The following PTPRR variants were observed in gnomAD, a reference collection of about 807,000 sequenced individuals.
PTPRR encodes the protein protein tyrosine phosphatase receptor type R.
PTPRR carries 38 observed loss-of-function variants against 77.2 expected under a neutral mutation model. The observed-to-expected ratio is 0.49, with a 90% confidence interval of 0.38 to 0.65. PTPRR has a LOEUF of 0.65. PTPRR is among the 30% of genes least tolerant of loss of function. PTPRR has a pLI of 0.00. For synonymous variants in PTPRR, 299 were observed against 283.1 expected (o/e 1.06, Z -0.57); for missense variants, 744 against 799.2 (o/e 0.93, Z 0.83).
At chr12:70,693,015 T>C (rs1301446251) in intron 8 of PTPRR, among the ~76,000 whole-genome samples, 1 of 152,182 alleles carries the variant, frequency 6.6e-6, no homozygotes, top group Admixed American at 6.5e-5. Flanking sequence ...TGTTTTTGAC[T>C]TTCTAGATAT....
At chr12:70,907,635 A>G (rs778734187) in intron 1 of PTPRR, among the ~76,000 whole-genome samples, 4 of 152,216 alleles carry the variant, frequency 2.6e-5, no homozygotes, top group Non-Finnish European at 5.9e-5. Context: ...GGAACATAAT[A>G]CAATTAAAAC....
At chr12:70,732,996 A>T (rs1413787721) in intron 6 of PTPRR, among the ~76,000 whole-genome samples, 1 of 152,200 alleles carries the variant, frequency 6.6e-6, no homozygotes, top group Non-Finnish European at 1.5e-5. Context: ...ATTGTGCTAC[A>T]GACACCGCCT....
chr12:70,800,474 A>G (rs903523372), intron 2 of PTPRR, among the ~76,000 whole-genome samples: 2 of 152,300 alleles, frequency 1.3e-5, no homozygotes, highest in Non-Finnish European at 1.5e-5. Context: ...AAGAGCTAAC[A>G]CTTAGGTAGC....
At chr12:70,647,537 G>C (rs1440746744) in intron 13 of PTPRR, among the ~76,000 whole-genome samples, 1 of 152,214 alleles carries the variant, frequency 6.6e-6, no homozygotes, top group African/African-American at 2.4e-5. Flanking sequence ...GTAGAACCTT[G>C]ACATACCCAA....
At chr12:70,684,382 G>T (rs2136734369) in intron 9 of PTPRR, 118 bp from the exon 10 acceptor site, 1 of 1,077,976 alleles carries the variant, frequency 9.3e-7, no homozygotes, top group Non-Finnish European at 1.3e-6. Context: ...ACAGGTTACG[G>T]CTTCACTGAC....
chr12:70,844,443 C>T (rs1892450055), intron 2 of PTPRR, among the ~76,000 whole-genome samples: 1 of 152,030 alleles, frequency 6.6e-6, no homozygotes, highest in Admixed American at 6.6e-5. Flanking sequence ...TTGATCATAT[C>T]ACATAAGAAG....
At chr12:70,857,717 G>A (rs533597826) in intron 2 of PTPRR, among the ~76,000 whole-genome samples, 4 of 152,064 alleles carry the variant, frequency 2.6e-5, no homozygotes, top group African/African-American at 9.7e-5. Flanking sequence ...GAATGCGATG[G>A]GGAATTTGGA....
intron 2 of PTPRR, among the ~76,000 whole-genome samples, chr12:70,886,558 G>T (rs1592815203): frequency 6.6e-6 from 1 of 152,208 alleles, no homozygotes; most frequent in East Asian, 1.9e-4. Context: ...AATAGATTAA[G>T]CAATCATCAA....
chr12:70,911,271 A>T (rs1173751171), intron 1 of PTPRR, among the ~76,000 whole-genome samples: 1 of 152,140 alleles, frequency 6.6e-6, no homozygotes. Flanking sequence ...GGTAAATAGG[A>T]TAGTATCAGT....
At chr12:70,736,737 GT>G (rs1267412816) in intron 6 of PTPRR, among the ~76,000 whole-genome samples, 4 of 152,196 alleles carry the variant, frequency 2.6e-5, no homozygotes, top group Non-Finnish European at 5.9e-5. Context: ...TATATTTTAT[GT>G]TTATAAGCCC....
At chr12:70,807,171 TACAAA>T (rs1231396108) in intron 2 of PTPRR, among the ~76,000 whole-genome samples, 160 of 152,266 alleles carry the variant, frequency 1.1e-3, no homozygotes, top group African/African-American at 3.7e-3. Flanking sequence ...AAGTAGAAAG[TACAAA>T]GCCAGAAGGC....
At chr12:70,752,920 T>G (rs1293457351) in intron 5 of PTPRR, among the ~76,000 whole-genome samples, 2 of 152,180 alleles carry the variant, frequency 1.3e-5, no homozygotes, top group African/African-American at 2.4e-5. Flanking sequence ...ACCTCCCACT[T>G]TCTCTCATTA....
chr12:70,907,835 T>C (rs1390023580), intron 1 of PTPRR, among the ~76,000 whole-genome samples: 3 of 152,132 alleles, frequency 2.0e-5, no homozygotes, highest in Non-Finnish European at 4.4e-5. Context: ...TGAATGCTAC[T>C]ATATGTTAAA....
intron 1 of PTPRR, among the ~76,000 whole-genome samples, chr12:70,893,395 A>G (rs1332403156): frequency 1.3e-5 from 2 of 151,910 alleles, no homozygotes; most frequent in African/African-American, 4.8e-5. Flanking sequence ...TTCTTATTTC[A>G]TACTTATTGC....
intron 1 of PTPRR, among the ~76,000 whole-genome samples, chr12:70,916,501 A>G (rs1254647966): frequency 6.6e-6 from 1 of 152,118 alleles, no homozygotes; most frequent in Admixed American, 6.5e-5. Flanking sequence ...CTGTTAGTCT[A>G]TCGTTTCTTT....
intron 12 of PTPRR, 90 bp from the exon 13 acceptor site, chr12:70,656,907 C>T: frequency 1.2e-6 from 1 of 860,030 alleles, no homozygotes; most frequent in South Asian, 1.4e-5. Context: ...AAATCTGAAA[C>T]CACAGTTAAA....
At chr12:70,812,795 A>G (rs1891832943) in intron 2 of PTPRR, among the ~76,000 whole-genome samples, 1 of 152,166 alleles carries the variant, frequency 6.6e-6, no homozygotes, top group Non-Finnish European at 1.5e-5. Context: ...AATGTATTTT[A>G]TTCTTGCAGA....
chr12:70,673,385 G>T (rs1225178048), intron 10 of PTPRR, among the ~76,000 whole-genome samples: 1 of 152,122 alleles, frequency 6.6e-6, no homozygotes, highest in African/African-American at 2.4e-5. Flanking sequence ...ATGCTCAAAA[G>T]AACAAACACC....
At chr12:70,817,181 G>A (rs987636301) in intron 2 of PTPRR, among the ~76,000 whole-genome samples, 4 of 152,128 alleles carry the variant, frequency 2.6e-5, no homozygotes, top group Non-Finnish European at 4.4e-5. Context: ...CTATGTTAAA[G>A]TTTGATACAT....
Sources: allele counts gnomAD v4.1 joint callset (sites outside exome capture counted in the v4.1 genomes callset), GRCh38; gene constraint gnomAD v4.1.1; transcripts MANE v1.5; gene names NCBI Gene and HGNC (gene_info 2026-07-23, HGNC 2026-07-21).